The following MGMT variants were observed in gnomAD, a reference collection of about 807,000 sequenced individuals.
The protein encoded by MGMT is methylated-DNA--protein-cysteine methyltransferase.
In MGMT, 14 loss-of-function variants were observed where a neutral mutation model predicts 15.9. That is an observed-to-expected ratio of 0.88 (90% CI 0.58 to 1.37). MGMT has a LOEUF of 1.37. Among genes scored for constraint, MGMT ranks in the 40% most tolerant of loss-of-function variants. The pLI is 0.00. For synonymous variants in MGMT, 130 were observed against 118.2 expected (o/e 1.10, Z -0.65); for missense variants, 282 against 268.1 (o/e 1.05, Z -0.36).
intron 2 of MGMT, among the ~76,000 whole-genome samples, chr10:129,640,863 G>C (rs888157881): frequency 1.3e-5 from 2 of 152,308 alleles, no homozygotes; most frequent in Admixed American, 1.3e-4. Context: ...ATAAACCTGT[G>C]TTAATCTCGA....
intron 2 of MGMT, among the ~76,000 whole-genome samples, chr10:129,686,900 C>T (rs1338019030): frequency 2.0e-5 from 3 of 152,108 alleles, no homozygotes; most frequent in Admixed American, 6.5e-5. Context: ...CTGGGCAGGG[C>T]GTGGGGGTTC....
At chr10:129,538,899 AC>A (rs1846014258) in intron 2 of MGMT, among the ~76,000 whole-genome samples, 1 of 152,074 alleles carries the variant, frequency 6.6e-6, no homozygotes, top group Admixed American at 6.5e-5. Flanking sequence ...CTCCCAAAGT[AC>A]TGGGATTACA....
intron 1 of MGMT, among the ~76,000 whole-genome samples, chr10:129,489,654 A>C (rs1056313161): frequency 2.0e-5 from 3 of 152,096 alleles, no homozygotes; most frequent in Non-Finnish European, 2.9e-5. Flanking sequence ...CTCACATTTT[A>C]ATAAGTTTTT....
At chr10:129,764,939 G>A (rs1040108969) in intron 4 of MGMT, among the ~76,000 whole-genome samples, 4 of 152,116 alleles carry the variant, frequency 2.6e-5, no homozygotes, top group Admixed American at 6.5e-5. Flanking sequence ...AGGAAGGGGG[G>A]CCAGGCAGTA....
intron 2 of MGMT, among the ~76,000 whole-genome samples, chr10:129,643,607 G>T (rs1478094681): frequency 6.6e-6 from 1 of 152,206 alleles, no homozygotes; most frequent in Admixed American, 6.5e-5. Flanking sequence ...GGACCCTCAA[G>T]CCTGTGACTG....
At chr10:129,607,207 C>T (rs964293304) in intron 2 of MGMT, among the ~76,000 whole-genome samples, 26 of 151,274 alleles carry the variant, frequency 1.7e-4, no homozygotes, top group African/African-American at 5.6e-4. Flanking sequence ...CAGAACCACG[C>T]GTAAATCCTC....
intron 2 of MGMT, among the ~76,000 whole-genome samples, chr10:129,574,193 C>T (rs1416199124): frequency 1.3e-5 from 2 of 152,206 alleles, no homozygotes; most frequent in Non-Finnish European, 2.9e-5. Context: ...TCACCTACAG[C>T]TTCTTGACCT....
intron 2 of MGMT, among the ~76,000 whole-genome samples, chr10:129,538,370 C>T (rs1445967329): frequency 6.6e-6 from 1 of 152,164 alleles, no homozygotes; most frequent in Non-Finnish European, 1.5e-5. Context: ...GGCTGGATGG[C>T]AAATGTATGT....
chr10:129,737,932 C>G (rs1435545863), intron 3 of MGMT, among the ~76,000 whole-genome samples: 1 of 152,208 alleles, frequency 6.6e-6, no homozygotes, highest in Non-Finnish European at 1.5e-5. Flanking sequence ...TAGCTGCGTG[C>G]TGGGAGAACC....
At chr10:129,572,287 CTG>C (rs1469040033) in intron 2 of MGMT, among the ~76,000 whole-genome samples, 1 of 152,138 alleles carries the variant, frequency 6.6e-6, no homozygotes, top group Admixed American at 6.5e-5. Context: ...ACCTGTAATT[CTG>C]TGATTAGTCT....
chr10:129,605,564 T>G (rs1846879149), intron 2 of MGMT, among the ~76,000 whole-genome samples: 1 of 152,034 alleles, frequency 6.6e-6, no homozygotes, highest in Non-Finnish European at 1.5e-5. Context: ...TTCAACAACA[T>G]AGTGGATCAT....
rs1040857446 is a variant in MGMT, at chr10:129,677,249, T to C, written c.126-30646T>C. 1.4e-4 allele frequency among the ~76,000 whole-genome samples: 21 copies of C among 152,190 alleles called. 1 individual carries two copies. The highest frequency in any genetic ancestry group is 5.9e-5 in the Non-Finnish European group (4 of 68,018). ...TGTTTTATGTCTTTTGCCTTTGTGA[T>C]TTAAATTGTCTTATATTATTTATAA... is the stretch of plus-strand genomic sequence containing the variant. On this transcript the variant is annotated intron_variant, in intron 2 of 4. Coordinates refer to ENST00000651593, the MANE Select transcript of MGMT (RefSeq NM_002412.5).
intron 3 of MGMT, among the ~76,000 whole-genome samples, chr10:129,708,449 G>C (rs1475701599): frequency 6.6e-6 from 1 of 152,174 alleles, no homozygotes; most frequent in Admixed American, 6.5e-5. Context: ...CACTCTGTTG[G>C]TGACACTTAC....
At chr10:129,601,649 T>A (rs1038635588) in intron 2 of MGMT, among the ~76,000 whole-genome samples, 1 of 152,148 alleles carries the variant, frequency 6.6e-6, no homozygotes, top group Non-Finnish European at 1.5e-5. Context: ...TGGGAGCTAG[T>A]GGGTTCCATT....
At chr10:129,569,114 C>G (rs557991228) in intron 2 of MGMT, among the ~76,000 whole-genome samples, 1 of 152,182 alleles carries the variant, frequency 6.6e-6, no homozygotes, top group African/African-American at 2.4e-5. Flanking sequence ...CGGCCACTTA[C>G]GGGCTCTGGC....
At chr10:129,560,854 G>A (rs182705881) in intron 2 of MGMT, among the ~76,000 whole-genome samples, 2 of 152,136 alleles carry the variant, frequency 1.3e-5, no homozygotes, top group Non-Finnish European at 1.5e-5. Flanking sequence ...GAATTTCATT[G>A]AAAGCATCGA....
intron 1 of MGMT, among the ~76,000 whole-genome samples, chr10:129,535,555 C>T (rs1447735938): frequency 2.0e-5 from 3 of 152,200 alleles, no homozygotes; most frequent in African/African-American, 7.2e-5. Context: ...GGTCTTGCTA[C>T]GTTGCCCAGT....
chr10:129,751,639 C>G (rs1848751643), intron 3 of MGMT, among the ~76,000 whole-genome samples: 1 of 151,662 alleles, frequency 6.6e-6, no homozygotes, highest in Non-Finnish European at 1.5e-5. Context: ...AATATAGACA[C>G]TTAATACTAT....
At chr10:129,591,421 C>T (rs907350562) in intron 2 of MGMT, among the ~76,000 whole-genome samples, 1 of 152,276 alleles carries the variant, frequency 6.6e-6, no homozygotes. Context: ...CATTCTGGCT[C>T]AGAGATTCTC....
Sources: allele counts gnomAD v4.1 joint callset (sites outside exome capture counted in the v4.1 genomes callset), GRCh38; gene constraint gnomAD v4.1.1; transcripts MANE v1.5; gene names NCBI Gene and HGNC (gene_info 2026-07-23, HGNC 2026-07-21).